PCBP3: variants seen among roughly 807,000 people sequenced by gnomAD.
PCBP3 encodes the protein poly(rC)-binding protein 3.
In PCBP3, 25 loss-of-function variants were observed where a neutral mutation model predicts 52.7. That is an observed-to-expected ratio of 0.47 (90% CI 0.35 to 0.66). The LOEUF (loss-of-function observed/expected upper bound fraction) is 0.66, where lower values mean the gene tolerates loss of function less well. Among genes scored for constraint, PCBP3 ranks in the 30% least tolerant of loss-of-function variants. The pLI is 0.01. For synonymous variants in PCBP3, 162 were observed against 183.0 expected (o/e 0.89, Z 0.93); for missense variants, 391 against 490.3 (o/e 0.80, Z 1.91).
rs2093417740 is a variant in PCBP3 at position 45,830,401 on chromosome 21, A to G, written c.-125-19560A>G. On this transcript the variant is annotated intron_variant, in intron 4 of 17. Coordinates refer to ENST00000681687, the MANE Select transcript of PCBP3 (RefSeq NM_001384156.1). This position sits in a 1 kb window ranked among gnomAD's most constrained non-coding sequence, Gnocchi z 4.4. ...CACATAGCCTTTCAGAGGCCTCTAT[A>G]ATGCGCCGAGCAGTTGTGTCACTGA... is the stretch of plus-strand genomic sequence containing the variant. The G allele has an allele frequency of 6.5e-6, 1 of 152,882 alleles. No homozygotes were observed. The highest frequency in any genetic ancestry group is 1.5e-5 in the Non-Finnish European group (1 of 68,164). The allele number at this position is 152,882 out of a possible 1,614,324, so 9.5% of individuals were successfully genotyped here. A position where few individuals can be genotyped will look rare whatever the true frequency, so the allele number is the denominator to read the frequency against.
At chr21:45,707,237 T>A (rs1264505466) in intron 2 of PCBP3, among the ~76,000 whole-genome samples, 2 of 152,198 alleles carry the variant, frequency 1.3e-5, no homozygotes, top group African/African-American at 4.8e-5. Context: ...AGATTCTGGC[T>A]GGGTGCAGTA....
At chr21:45,792,019 C>T (rs1407056089) in intron 4 of PCBP3, among the ~76,000 whole-genome samples, 1 of 152,260 alleles carries the variant, frequency 6.6e-6, no homozygotes, top group South Asian at 2.1e-4. Context: ...CCTGCTTCTC[C>T]CATTTTCTCT....
At chr21:45,873,960 C>T (rs1352339937) in intron 5 of PCBP3, among the ~76,000 whole-genome samples, 6 of 152,230 alleles carry the variant, frequency 3.9e-5, no homozygotes, top group African/African-American at 1.2e-4. Context: ...AACAAGGTCT[C>T]CCGATATTGC....
chr21:45,846,308 G>A (rs975937227), intron 4 of PCBP3, among the ~76,000 whole-genome samples: 2 of 152,154 alleles, frequency 1.3e-5, no homozygotes, highest in African/African-American at 4.8e-5. Context: ...TTTGGTTAAA[G>A]TTCATTATTT....
intron 11 of PCBP3, among the ~76,000 whole-genome samples, chr21:45,913,474 C>T (rs757527466): frequency 7.9e-5 from 12 of 152,168 alleles, no homozygotes; most frequent in African/African-American, 1.2e-4. Flanking sequence ...CCTGTGAAGC[C>T]GTGCAGCCAG....
intron 2 of PCBP3, among the ~76,000 whole-genome samples, chr21:45,713,129 G>A (rs543977387): frequency 3.9e-4 from 59 of 152,316 alleles, no homozygotes; most frequent in African/African-American, 1.3e-3. Flanking sequence ...GGGATAAAAT[G>A]TATTATCTAG....
chr21:45,803,735 T>G (rs996712886), intron 4 of PCBP3, among the ~76,000 whole-genome samples: 3 of 152,150 alleles, frequency 2.0e-5, no homozygotes, highest in African/African-American at 7.2e-5. Context: ...TGGAGCAGTA[T>G]GGGCTCCAAG....
chr21:45,912,886 C>T (rs943742938), intron 11 of PCBP3, among the ~76,000 whole-genome samples: 14 of 152,268 alleles, frequency 9.2e-5, no homozygotes, highest in African/African-American at 3.1e-4. Flanking sequence ...CTTGAGGTCA[C>T]ACCCCAGGGC....
chr21:45,839,859 G>A (rs565432955), intron 4 of PCBP3, among the ~76,000 whole-genome samples: 119 of 151,868 alleles, frequency 7.8e-4, no homozygotes, highest in African/African-American at 2.7e-3. Flanking sequence ...GCTAATTTTT[G>A]TACTTTCAGT....
chr21:45,726,473 G>GGTGCTCATGCCCCAGATCTCTGT (rs2085052832), intron 2 of PCBP3, among the ~76,000 whole-genome samples: 1 of 152,050 alleles, frequency 6.6e-6, no homozygotes, highest in Non-Finnish European at 1.5e-5. Flanking sequence ...CTCTATCCTG[G>GGTGCTCATGCCCCAGATCTCTGT]GTGCTCATGC....
chr21:45,781,989 T>G (rs2090669929), intron 4 of PCBP3, among the ~76,000 whole-genome samples: 1 of 152,252 alleles, frequency 6.6e-6, no homozygotes, highest in African/African-American at 2.4e-5. Flanking sequence ...CTCTCAAGAT[T>G]CGTCAGTGCC....
intron 2 of PCBP3, among the ~76,000 whole-genome samples, chr21:45,703,683 G>A (rs185705937): frequency 8.6e-4 from 131 of 152,284 alleles, no homozygotes; most frequent in African/African-American, 3.0e-3. Flanking sequence ...GTTTCGGGGG[G>A]CATGAACAGA....
In PCBP3 at chr21:45,832,145, T is replaced by C. The variant is rs537163982; in HGVS notation, c.-125-17816T>C. Among the ~76,000 whole-genome samples, 25 of 152,338 alleles carry C rather than the reference T, an allele frequency of 1.6e-4. No individual in the cohort carries two copies. In the South Asian group the frequency reaches 5.2e-3, roughly 32 times the overall value. ...CAAAGGGGGGATTATTCATGAGTGTTCTGGGAAAGGCATGCGCAATTCCTG... is the reference window on the plus strand; with the variant it reads ...CAAAGGGGGGATTATTCATGAGTGTCCTGGGAAAGGCATGCGCAATTCCTG... On this transcript the variant is annotated intron_variant, in intron 4 of 17. Transcript: ENST00000681687.
At chr21:45,834,329 G>T (rs1300349378) in intron 4 of PCBP3, among the ~76,000 whole-genome samples, 1 of 152,242 alleles carries the variant, frequency 6.6e-6, no homozygotes, top group African/African-American at 2.4e-5. Flanking sequence ...TTAGAGCAGG[G>T]ACTGGAAGTT....
intron 10 of PCBP3, among the ~76,000 whole-genome samples, chr21:45,909,952 A>G (rs184529209): frequency 0.021 from 1,084 of 50,596 alleles, 46 homozygotes; most frequent in African/African-American, 0.087. Context: ...CACTTCCCAG[A>G]TACGGACCCC....
intron 15 of PCBP3, among the ~76,000 whole-genome samples, chr21:45,933,867 C>A (rs1449154114): frequency 6.6e-6 from 1 of 152,148 alleles, no homozygotes. Flanking sequence ...CAAACTGCCC[C>A]ACCCAGGGCC....
At chr21:45,644,508 T>A (rs1038546822) in intron 1 of PCBP3, among the ~76,000 whole-genome samples, 85 of 104,970 alleles carry the variant, frequency 8.1e-4, no homozygotes, top group African/African-American at 2.4e-3. Flanking sequence ...TGAAAGAGTT[T>A]TTTTCTTTTT....
At chr21:45,727,190 A>C (rs972559136) in intron 2 of PCBP3, among the ~76,000 whole-genome samples, 1 of 152,094 alleles carries the variant, frequency 6.6e-6, no homozygotes, top group African/African-American at 2.4e-5. Flanking sequence ...TTTTGAATTA[A>C]CTCTATATTG....
At chr21:45,776,556 GTA>G (rs144526189) in intron 4 of PCBP3, among the ~76,000 whole-genome samples, 37 of 149,620 alleles carry the variant, frequency 2.5e-4, no homozygotes, top group Non-Finnish European at 3.6e-4. Flanking sequence ...CTGGTGTTGG[GTA>G]TATATATATA....
Sources: allele counts gnomAD v4.1 joint callset (sites outside exome capture counted in the v4.1 genomes callset), GRCh38; gene constraint gnomAD v4.1.1; non-coding constraint Gnocchi (gnomAD v3.1); transcripts MANE v1.5; gene names NCBI Gene and HGNC (gene_info 2026-07-23, HGNC 2026-07-21).